Variants in MAGI2 observed in about 807,000 individuals in gnomAD.
MAGI2 encodes membrane associated guanylate kinase, WW and PDZ domain containing 2.
In MAGI2, 35 loss-of-function variants were observed where a neutral mutation model predicts 133.3. The ratio of observed to expected loss-of-function variants is 0.26; its 90% CI spans 0.20 to 0.35. The LOEUF (loss-of-function observed/expected upper bound fraction) is 0.35. MAGI2 is among the 10% of genes least tolerant of loss of function. The pLI, the probability that MAGI2 is intolerant of heterozygous loss-of-function variation, is 1.00. For synonymous variants in MAGI2, 729 were observed against 710.6 expected (o/e 1.03, Z -0.41); for missense variants, 1,636 against 1,863.4 (o/e 0.88, Z 2.25).
intron 10 of MAGI2, among the ~76,000 whole-genome samples, chr7:78,235,442 G>A (rs544245274): frequency 1.3e-5 from 2 of 152,280 alleles, no homozygotes; most frequent in East Asian, 3.9e-4. Context: ...TAATCTCCAC[G>A]TGTCGTGGGA....
At position 79,307,330 on chromosome 7, in the gene MAGI2, A is replaced by T. The variant is rs562661440; in HGVS notation, c.301+145690T>A. On this transcript the variant is annotated intron_variant, in intron 1 of 21. Transcript: ENST00000354212. Reference sequence around the variant, plus strand: ...ATACTCTAAGAAGAGTCACAGAATAATTGAACTTCTTAATTGCTAACCAGA... The same window carrying T: ...ATACTCTAAGAAGAGTCACAGAATATTTGAACTTCTTAATTGCTAACCAGA... Among the ~76,000 whole-genome samples the T allele has an allele frequency of 3.3e-5, 5 of 152,310 alleles. No individual in the cohort carries two copies. The East Asian group carries it at 9.6e-4, about 29-fold the overall frequency.
intron 2 of MAGI2, among the ~76,000 whole-genome samples, chr7:78,891,066 A>T (rs1428565328): frequency 6.6e-6 from 1 of 152,226 alleles, no homozygotes; most frequent in East Asian, 1.9e-4. Flanking sequence ...ATCCCACAGA[A>T]ATACAAACTA....
At chr7:78,738,931 C>T (rs1045857047) in intron 2 of MAGI2, among the ~76,000 whole-genome samples, 1 of 152,156 alleles carries the variant, frequency 6.6e-6, no homozygotes, top group Non-Finnish European at 1.5e-5. Context: ...ATACTTACTG[C>T]ATGTGCTTAC....
chr7:79,152,790 T>G (rs1227277109), intron 1 of MAGI2, among the ~76,000 whole-genome samples: 1 of 152,210 alleles, frequency 6.6e-6, no homozygotes, highest in African/African-American at 2.4e-5. Context: ...ACATCATACC[T>G]GTTCTCTATG....
At chr7:78,680,305 T>G (rs564435531) in intron 2 of MAGI2, among the ~76,000 whole-genome samples, 3 of 152,294 alleles carry the variant, frequency 2.0e-5, no homozygotes, top group Non-Finnish European at 2.9e-5. Context: ...ATATAAAGCA[T>G]GTATTGAAAT....
rs943953069 is a variant in MAGI2, at chr7:78,188,204, A to G, written c.2270-2534T>C. On this transcript the variant is annotated intron_variant, in intron 12 of 21. Coordinates refer to ENST00000354212, the MANE Select transcript of MAGI2 (RefSeq NM_012301.4). ...GGAACTTGTTGGAAATATAAACGTTACCACAGTTTCTTAGAAAGCTATCTG... is the reference window on the plus strand; with the variant it reads ...GGAACTTGTTGGAAATATAAACGTTGCCACAGTTTCTTAGAAAGCTATCTG... Among the ~76,000 whole-genome samples the G allele has an allele frequency of 5.9e-5, 9 of 152,210 alleles. 1 individual carries two copies. Among genetic ancestry groups the G allele is most frequent in the Admixed American group, 5.9e-4 (9 of 15,270 alleles).
At chr7:79,019,543 C>CT in intron 1 of MAGI2, among the ~76,000 whole-genome samples, 1 of 151,868 alleles carries the variant, frequency 6.6e-6, no homozygotes, top group African/African-American at 2.4e-5. Context: ...TTCTGTTTTT[C>CT]TTTTTTTCTT....
chr7:79,227,114 C>T (rs1399309324), intron 1 of MAGI2, among the ~76,000 whole-genome samples: 1 of 152,124 alleles, frequency 6.6e-6, no homozygotes, highest in Non-Finnish European at 1.5e-5. Flanking sequence ...TGCAAGCTGG[C>T]TGCTAACAAA....
intron 6 of MAGI2, among the ~76,000 whole-genome samples, chr7:78,449,536 A>C (rs998116339): frequency 2.0e-5 from 3 of 152,128 alleles, no homozygotes; most frequent in African/African-American, 7.2e-5. Context: ...CAAAAGTTCT[A>C]AGCAGAGTCT....
intron 1 of MAGI2, among the ~76,000 whole-genome samples, chr7:79,203,727 T>A (rs1828806264): frequency 6.6e-6 from 1 of 152,014 alleles, no homozygotes; most frequent in African/African-American, 2.4e-5. Context: ...GTAGGCATTT[T>A]AAAAATATTT....
chr7:78,145,754 C>A (rs2150569136), intron 16 of MAGI2, among the ~76,000 whole-genome samples: 1 of 152,288 alleles, frequency 6.6e-6, no homozygotes, highest in Non-Finnish European at 1.5e-5. Context: ...TGGTATTCCA[C>A]TATAACAGCA....
At chr7:79,394,959 A>C (rs1844932801) in intron 1 of MAGI2, among the ~76,000 whole-genome samples, 1 of 152,198 alleles carries the variant, frequency 6.6e-6, no homozygotes, top group Non-Finnish European at 1.5e-5. Flanking sequence ...ACGCCTTTAG[A>C]TTTTGCACTT....
intron 3 of MAGI2, among the ~76,000 whole-genome samples, chr7:78,600,956 C>G (rs545185754): frequency 5.3e-5 from 8 of 152,086 alleles, no homozygotes; most frequent in Non-Finnish European, 1.0e-4. Flanking sequence ...TAGTGGGACA[C>G]TCTTGTTATT....
At chr7:78,647,489 G>C (rs892821540) in intron 2 of MAGI2, among the ~76,000 whole-genome samples, 5 of 152,094 alleles carry the variant, frequency 3.3e-5, no homozygotes, top group African/African-American at 1.2e-4. Context: ...AAAAACTCAG[G>C]AAACAACAGA....
At chr7:79,186,683 G>GAGTATATATATTTATACAAA (rs1231005388) in intron 1 of MAGI2, among the ~76,000 whole-genome samples, 1,944 of 121,810 alleles carry the variant, frequency 0.016, 35 homozygotes, top group African/African-American at 0.053. Flanking sequence ...CATTTTATAC[G>GAGTATATATATTTATACAAA]AGTATATATA....
intron 10 of MAGI2, among the ~76,000 whole-genome samples, chr7:78,207,024 G>A (rs1460935545): frequency 6.6e-6 from 1 of 151,874 alleles, no homozygotes; most frequent in Non-Finnish European, 1.5e-5. Flanking sequence ...TATGTTATGT[G>A]TATTTTACCA....
chr7:78,924,828 T>G (rs898764064), intron 2 of MAGI2, among the ~76,000 whole-genome samples: 2 of 150,930 alleles, frequency 1.3e-5, no homozygotes, highest in Non-Finnish European at 2.9e-5. Flanking sequence ...CTGAAATCCC[T>G]TCTACATTAT....
chr7:79,213,325 TACACACAC>T (rs146529788), intron 1 of MAGI2, among the ~76,000 whole-genome samples: 1 of 145,398 alleles, frequency 6.9e-6, no homozygotes, highest in Non-Finnish European at 1.5e-5. Context: ...CGTACACACG[TACACACAC>T]ACACACACAC....
intron 2 of MAGI2, among the ~76,000 whole-genome samples, chr7:78,652,249 A>G (rs989009347): frequency 1.3e-5 from 2 of 152,196 alleles, no homozygotes; most frequent in African/African-American, 4.8e-5. Flanking sequence ...GATCTATTGC[A>G]TCCATCAAAC....
Sources: gnomAD v4.1 joint callset for allele counts (sites outside exome capture counted in the v4.1 genomes callset) on GRCh38, gnomAD v4.1.1 for gene constraint, MANE v1.5 for transcripts, NCBI Gene and HGNC (gene_info 2026-07-23, HGNC 2026-07-21) for gene names.